LIPC: variants seen among roughly 807,000 people sequenced by gnomAD.
The protein encoded by LIPC is hepatic triacylglycerol lipase.
In LIPC, 44 loss-of-function variants were observed where a neutral mutation model predicts 50.7. That is an observed-to-expected ratio of 0.87 (90% CI 0.68 to 1.11). LIPC has a LOEUF of 1.11. LIPC is among the 50% of genes most tolerant of loss of function. LIPC has a pLI of 0.00. For synonymous variants in LIPC, 271 were observed against 256.4 expected, an observed-to-expected ratio of 1.06 and a Z score of -0.54; for missense variants, 697 against 648.2, an observed-to-expected ratio of 1.08 and a Z score of -0.82.
chr15:58,561,903 T>C (rs1894176494), intron 7 of LIPC, among the ~76,000 whole-genome samples: 1 of 152,174 alleles, frequency 6.6e-6, no homozygotes. Context: ...GCTTGAACTT[T>C]GGAATGCCCT....
chr15:58,550,736 A>C (rs1159699418), intron 6 of LIPC, among the ~76,000 whole-genome samples: 6 of 151,768 alleles, frequency 4.0e-5, no homozygotes, highest in African/African-American at 1.5e-4. Flanking sequence ...GGACTGACTG[A>C]AACTGGTCAG....
intron 1 of LIPC, chr15:58,456,445 T>G (rs1894116563): frequency 6.6e-6 from 1 of 152,216 alleles, no homozygotes; most frequent in African/African-American, 2.4e-5. Flanking sequence ...AAAAATAAGC[T>G]TTTCCAGTAT....
rs760078619 is a variant in LIPC, at chr15:58,545,943, T to C, written c.776T>C (p.Leu259Pro). The C allele has an allele frequency of 3.1e-6, 5 of 1,614,082 alleles. No homozygotes were observed. In the Admixed American group the frequency reaches 6.7e-5, roughly 22 times the overall value. Residue 259 changes from leucine (L) to proline (P), a missense_variant, in exon 5 of 9, where the codon CTC (leucine) becomes CCC (proline). Physicochemically the swap from Leu to Pro is moderately conservative, Grantham distance 98. Coordinates refer to ENST00000299022, the MANE Select transcript of LIPC (RefSeq NM_000236.3). ...CAGCCTGGCTGCCACTTCCTAGAGC[T>C]CTACAGACATATTGCCCAGCACGGC... ...SFQPGCHFLELYRHIAQHGFN... is the reference protein window; with the variant it reads ...SFQPGCHFLEPYRHIAQHGFN...
intron 6 of LIPC, among the ~76,000 whole-genome samples, chr15:58,555,609 G>C (rs939107259): frequency 6.6e-6 from 1 of 152,206 alleles, no homozygotes; most frequent in Non-Finnish European, 1.5e-5. Flanking sequence ...AATTAACACT[G>C]TGTCGGTCTA....
chr15:58,548,081 G>C (rs1893600367), intron 5 of LIPC, among the ~76,000 whole-genome samples: 1 of 152,078 alleles, frequency 6.6e-6, no homozygotes, highest in Admixed American at 6.5e-5. Flanking sequence ...TGTCATAAAG[G>C]AGTGCTCTCA....
rs777672660 is a variant in LIPC at position 58,538,438 on chromosome 15, G to C, written c.194G>C (p.Arg65Pro). The C allele has an allele frequency of 1.2e-6, 2 of 1,614,040 alleles. No individual in the cohort carries two copies. The highest frequency in any genetic ancestry group is 2.7e-5 in the African/African-American group (2 of 74,912). Residue 65 changes from arginine to proline, a missense_variant, in exon 2 of 9, where the codon CGA becomes CCA. Physicochemically the swap from Arg to Pro is moderately radical, Grantham distance 103. Coordinates refer to ENST00000299022, the MANE Select transcript of LIPC (RefSeq NM_000236.3). ...GAAACCAATCAGGGCTGTCAGATTCGAATCAATCATCCGGACACGTTACAG... is the reference window on the plus strand; with the variant it reads ...GAAACCAATCAGGGCTGTCAGATTCCAATCAATCATCCGGACACGTTACAG... ...FGETNQGCQI[R>P]INHPDTLQEC...
chr15:58,565,120 C>T, intron 8 of LIPC: 1 of 1,371,480 alleles, frequency 7.3e-7, no homozygotes, highest in Non-Finnish European at 1.0e-6. Context: ...GAGATTTTAT[C>T]TCCCTGGGAT....
At chr15:58,504,828 T>C (rs185394585) in intron 1 of LIPC, among the ~76,000 whole-genome samples, 84 of 152,314 alleles carry the variant, frequency 5.5e-4, no homozygotes, top group African/African-American at 1.9e-3. Flanking sequence ...TAACTCCAAA[T>C]GGCCCCATTA....
chr15:58,519,940 C>T (rs765462222), intron 1 of LIPC, among the ~76,000 whole-genome samples: 1 of 152,070 alleles, frequency 6.6e-6, no homozygotes, highest in Non-Finnish European at 1.5e-5. Flanking sequence ...TCCTTGCTAT[C>T]TTTTATTCTT....
intron 1 of LIPC, among the ~76,000 whole-genome samples, chr15:58,484,486 A>G (rs1891297163): frequency 6.6e-6 from 1 of 152,236 alleles, no homozygotes; most frequent in Non-Finnish European, 1.5e-5. Flanking sequence ...AGCACCTACT[A>G]TGGGCCAGGC....
chr15:58,436,750 G>A (rs139383681), intron 1 of LIPC: 1 of 456,288 alleles, frequency 2.2e-6, no homozygotes, highest in Non-Finnish European at 4.4e-6. Flanking sequence ...TTACTTCCAA[G>A]TGGAGGGAAG....
At position 58,560,955 on chromosome 15, in the gene LIPC, G is replaced by GA; in HGVS notation, c.1147dup (p.Met383AsnfsTer14). ...CCATGTCACTACTCGGAACAAAAGA[G>GA]AAAATGCAGAAAATTCCCATCACTC... On this transcript the variant is annotated frameshift_variant, in exon 7 of 9. Transcript: ENST00000299022. LOFTEE classifies it high-confidence loss of function. 6.5e-7 allele frequency: 1 copy of GA among 1,549,410 alleles called. No individual in the cohort carries two copies. The highest frequency in any genetic ancestry group is 8.9e-7 in the Non-Finnish European group (1 of 1,120,742).
chr15:58,522,409 G>A (rs1377367801), intron 1 of LIPC: 1 of 152,464 alleles, frequency 6.6e-6, no homozygotes, highest in Non-Finnish European at 1.5e-5. Context: ...TATATTCGGG[G>A]TAGATGTTGA....
chr15:58,525,072 A>G (rs1404856750), intron 1 of LIPC, among the ~76,000 whole-genome samples: 4 of 152,108 alleles, frequency 2.6e-5, no homozygotes, highest in African/African-American at 4.8e-5. Flanking sequence ...TAAAAATTGG[A>G]TCCATTTGGA....
Position 58,563,663 on chromosome 15 carries a change from C to A in LIPC, c.1328C>A (p.Pro443Gln), listed in dbSNP as rs144856280. ...ACCATCATCCCATGGAGCACAGGGCCGCGCCACTCAGGCCTCGTTCTGAAG... is the reference window on the plus strand; with the variant it reads ...ACCATCATCCCATGGAGCACAGGGCAGCGCCACTCAGGCCTCGTTCTGAAG... ...VQTIIPWSTGPRHSGLVLKTI... is the reference protein window; with the variant it reads ...VQTIIPWSTGQRHSGLVLKTI... Residue 443 changes from proline to glutamine, a missense_variant, in exon 8 of 9, where the codon CCG (proline) becomes CAG (glutamine). Physicochemically the swap from Pro to Gln is moderately conservative, Grantham distance 76. Transcript: ENST00000299022. 1.2e-6 allele frequency: 2 copies of A among 1,613,924 alleles called. No homozygotes were observed. The highest frequency in any genetic ancestry group is 1.7e-6 in the Non-Finnish European group (2 of 1,180,038).
At chr15:58,535,952 G>C (rs1303361561) in intron 1 of LIPC, among the ~76,000 whole-genome samples, 2 of 152,178 alleles carry the variant, frequency 1.3e-5, no homozygotes, top group African/African-American at 4.8e-5. Context: ...TTTGATCCAA[G>C]ATCTGGATCT....
intron 1 of LIPC, among the ~76,000 whole-genome samples, chr15:58,531,840 A>G: frequency 6.6e-6 from 1 of 152,220 alleles, no homozygotes; most frequent in East Asian, 1.9e-4. Flanking sequence ...AGCTATTTGT[A>G]AAGAATAGCT....
At chr15:58,446,701 G>A (rs1385307717) in intron 1 of LIPC, among the ~76,000 whole-genome samples, 8 of 152,118 alleles carry the variant, frequency 5.3e-5, no homozygotes, top group Non-Finnish European at 1.2e-4. Flanking sequence ...TCTCCCTGCT[G>A]GAGGATAAGC....
intron 1 of LIPC, among the ~76,000 whole-genome samples, chr15:58,474,513 G>GA (rs67354532): frequency 0.032 from 4,137 of 130,666 alleles, 225 homozygotes; most frequent in African/African-American, 0.11. Context: ...CCTGTCTCAG[G>GA]AAAAAAAAAA....
Sources: gnomAD v4.1 joint callset for allele counts (sites outside exome capture counted in the v4.1 genomes callset) on GRCh38, gnomAD v4.1.1 for gene constraint, MANE v1.5 for transcripts, NCBI Gene and HGNC (gene_info 2026-07-23, HGNC 2026-07-21) for gene names.